KIF13A: variants seen among roughly 807,000 people sequenced by gnomAD.
The protein encoded by KIF13A is kinesin-like protein KIF13A.
In KIF13A, 79 loss-of-function variants were observed where a neutral mutation model predicts 212.2. The ratio of observed to expected loss-of-function variants is 0.37; its 90% CI spans 0.31 to 0.45. The LOEUF (loss-of-function observed/expected upper bound fraction) is 0.45. Among genes scored for constraint, KIF13A ranks in the 20% least tolerant of loss-of-function variants. The pLI, the probability that KIF13A is intolerant of heterozygous loss-of-function variation, is 1.00. For missense variants in KIF13A, 1,901 were observed against 2,209.0 expected (o/e 0.86, Z 2.79); for synonymous variants, 789 against 808.6 (o/e 0.98, Z 0.41).
At position 17,771,586 on chromosome 6, in the gene KIF13A, CA is replaced by C; in HGVS notation, c.4476+321del. On this transcript the variant is annotated intron_variant, in intron 37 of 38. Coordinates refer to ENST00000259711, the MANE Select transcript of KIF13A (RefSeq NM_022113.6). The surrounding 1 kb of genome is among the most constrained non-coding windows in gnomAD (Gnocchi z 5.4). ...TATAAAAAACAAAATCAGAAATCCC[CA>C]AAAAGACAAAAAAGAAAAATAATTT... 6.2e-6 allele frequency: 2 copies of C among 324,724 alleles called. No individual in the cohort carries two copies. The highest frequency in any genetic ancestry group is 1.1e-5 in the Non-Finnish European group (2 of 178,622). The allele number at this position is 324,724 out of a possible 1,614,324, so 20.1% of individuals were successfully genotyped here. A position where few individuals can be genotyped will look rare whatever the true frequency, so the allele number is the denominator to read the frequency against.
chr6:17,876,768 G>A (rs1033712073), intron 3 of KIF13A, among the ~76,000 whole-genome samples: 2 of 152,080 alleles, frequency 1.3e-5, no homozygotes, highest in Admixed American at 1.3e-4. Flanking sequence ...CTGAGTAGCT[G>A]GGACTACAGG....
At chr6:17,873,517 G>A (rs929888224) in intron 3 of KIF13A, 80 bp from the exon 4 acceptor site, 14 of 969,646 alleles carry the variant, frequency 1.4e-5, no homozygotes, top group Non-Finnish European at 2.1e-5. Flanking sequence ...AATCACAGGT[G>A]AAGATGAGAA....
intron 2 of KIF13A, among the ~76,000 whole-genome samples, chr6:17,975,492 A>G (rs1390870423): frequency 2.6e-5 from 4 of 152,224 alleles, no homozygotes; most frequent in Non-Finnish European, 5.9e-5. Context: ...CAGCTTATAA[A>G]GACAATGTAG....
At chr6:17,766,356 C>G (rs1758984682) in intron 38 of KIF13A, among the ~76,000 whole-genome samples, 1 of 151,810 alleles carries the variant, frequency 6.6e-6, no homozygotes, top group Non-Finnish European at 1.5e-5. Context: ...TCTCCTGCGT[C>G]AGCCTCCCGA....
Position 17,838,368 on chromosome 6 carries a change from C to T in KIF13A, c.831-785G>A, listed in dbSNP as rs184648637. ...CTACTACAAATAACAAAGAAGGACA[C>T]AAACTAGCAAGTGAAAGACTAGACA... On this transcript the variant is annotated intron_variant, in intron 9 of 38. Coordinates refer to ENST00000259711, the MANE Select transcript of KIF13A (RefSeq NM_022113.6). The surrounding 1 kb of genome is among the most constrained non-coding windows in gnomAD (Gnocchi z 4.2). 6.7e-4 allele frequency among the ~76,000 whole-genome samples: 101 copies of T among 151,810 alleles called. No homozygotes were observed. Among genetic ancestry groups the T allele is most frequent in the African/African-American group, 2.4e-3 (99 of 41,410 alleles).
intron 25 of KIF13A, among the ~76,000 whole-genome samples, chr6:17,793,942 A>C (rs1163484273): frequency 2.0e-5 from 3 of 152,166 alleles, no homozygotes; most frequent in African/African-American, 7.2e-5. Flanking sequence ...AAAAAAACCC[A>C]AAAAGTGGAT....
At chr6:17,812,972 T>C (rs1206366464) in intron 17 of KIF13A, among the ~76,000 whole-genome samples, 1 of 152,256 alleles carries the variant, frequency 6.6e-6, no homozygotes, top group African/African-American at 2.4e-5. Context: ...GCCACATGTA[T>C]GTCTTCTTTT....
chr6:17,781,138 A>C (rs763623818), intron 30 of KIF13A, 39 bp downstream of exon 30: 10 of 1,612,154 alleles, frequency 6.2e-6, no homozygotes, highest in Non-Finnish European at 8.5e-6. Flanking sequence ...CTTGTGTGCT[A>C]ATCTGAAGCC....
At chr6:17,815,553 G>A (rs1310753928) in intron 17 of KIF13A, 2 of 395,560 alleles carry the variant, frequency 5.1e-6, no homozygotes, top group Non-Finnish European at 5.2e-6. Flanking sequence ...GGGAGTAACA[G>A]AGGGCTTACA....
At chr6:17,954,224 C>T (rs1453689985) in intron 2 of KIF13A, among the ~76,000 whole-genome samples, 1 of 150,978 alleles carries the variant, frequency 6.6e-6, no homozygotes, top group African/African-American at 2.4e-5. Context: ...TGGCGTGAAC[C>T]TGGGAGGCGG....
At chr6:17,948,673 G>C (rs780306596) in intron 2 of KIF13A, among the ~76,000 whole-genome samples, 2 of 141,094 alleles carry the variant, frequency 1.4e-5, no homozygotes, top group Admixed American at 7.9e-5. Flanking sequence ...GCGATTCTCT[G>C]CATCAGCCTC....
rs2150516773 is a variant in KIF13A, at chr6:17,918,775, C to T, written c.147-20595G>A. 6.6e-6 allele frequency among the ~76,000 whole-genome samples: 1 copy of T among 152,294 alleles called. No individual in the cohort carries two copies. Among genetic ancestry groups the T allele is most frequent in the South Asian group, 2.1e-4 (1 of 4,826 alleles). On this transcript the variant is annotated intron_variant, in intron 2 of 38. Transcript: ENST00000259711. This position sits in a 1 kb window ranked among gnomAD's most constrained non-coding sequence, Gnocchi z 4.8. ...CGTACTCCCTACATTAATGTTGAGG[C>T]TGCCTGCACCACCTCCATCCCACCT...
In KIF13A at chr6:17,987,128, G is replaced by A. The variant is rs1279081917; in HGVS notation, c.72C>T (p.Thr24=). 6.8e-6 allele frequency: 11 copies of A among 1,612,910 alleles called. No homozygotes were observed. Among genetic ancestry groups the A allele is most frequent in the Non-Finnish European group, 9.3e-6 (11 of 1,179,176 alleles). The change falls in exon 2 of 39, where the codon ACC becomes ACT. Residue 24 remains threonine, a synonymous_variant. Coordinates refer to ENST00000259711, the MANE Select transcript of KIF13A (RefSeq NM_022113.6). This position sits in a 1 kb window ranked among gnomAD's most constrained non-coding sequence, Gnocchi z 7.7. ...PMNRRELELN[T]KCVVEMEGNQ... ...TCCCTTCCATCTCCACCACGCACTT[G>A]GTGTTCAGTTCCAGTTCTGAAAGCA...
rs141695925 is a variant in KIF13A at position 17,857,269 on chromosome 6, C to A, written c.221-1147G>T. Among the ~76,000 whole-genome samples, 327 of 152,224 alleles carry A rather than the reference C, an allele frequency of 2.1e-3. 1 individual carries two copies. Among genetic ancestry groups the A allele is most frequent in the African/African-American group, 7.5e-3 (311 of 41,528 alleles). On this transcript the variant is annotated intron_variant, in intron 4 of 38. Coordinates refer to ENST00000259711, the MANE Select transcript of KIF13A (RefSeq NM_022113.6). ...TTTGTGATATGGTTTAGTTCTGTGT[C>A]CCCACCCAAATCTCATCTTGAATTG...
chr6:17,928,305 G>C (rs1467247541), intron 2 of KIF13A, among the ~76,000 whole-genome samples: 1 of 152,164 alleles, frequency 6.6e-6, no homozygotes, highest in Non-Finnish European at 1.5e-5. Flanking sequence ...AATGTTCAAA[G>C]TACTCCAAAC....
At chr6:17,847,360 T>G (rs935747607) in intron 9 of KIF13A, among the ~76,000 whole-genome samples, 5 of 152,340 alleles carry the variant, frequency 3.3e-5, no homozygotes, top group Admixed American at 2.6e-4. Context: ...TGTCAGGAAA[T>G]ACAGCAAAAT....
At chr6:17,876,736 T>C (rs954377350) in intron 3 of KIF13A, among the ~76,000 whole-genome samples, 2 of 152,158 alleles carry the variant, frequency 1.3e-5, no homozygotes, top group African/African-American at 2.4e-5. Flanking sequence ...ATCAGCTCAA[T>C]TGATCCTACC....
chr6:17,949,204 C>T (rs1265754463), intron 2 of KIF13A, among the ~76,000 whole-genome samples: 1 of 152,152 alleles, frequency 6.6e-6, no homozygotes, highest in Admixed American at 6.5e-5. Context: ...AAAAATTTAT[C>T]GTGCCCTGGT....
chr6:17,784,311 C>G (rs938523647), intron 28 of KIF13A, among the ~76,000 whole-genome samples: 2 of 152,054 alleles, frequency 1.3e-5, no homozygotes, highest in African/African-American at 4.8e-5. Context: ...GTGGTCCCAG[C>G]TACTTGGGAG....
Sources: gnomAD v4.1 joint callset for allele counts (sites outside exome capture counted in the v4.1 genomes callset) on GRCh38, gnomAD v4.1.1 for gene constraint, Gnocchi (gnomAD v3.1) non-coding constraint, MANE v1.5 for transcripts, NCBI Gene and HGNC (gene_info 2026-07-23, HGNC 2026-07-21) for gene names.